Variants in CRTAC1 observed in about 807,000 individuals in gnomAD.
The protein encoded by CRTAC1 is acidic secreted protein in cartilage.
Under a neutral mutation model 67.8 loss-of-function variants are expected in CRTAC1, and 37 were observed. That is an observed-to-expected ratio of 0.55 (90% CI 0.42 to 0.72). CRTAC1 has a LOEUF of 0.72. Among genes scored for constraint, CRTAC1 ranks in the 30% least tolerant of loss-of-function variants. The pLI, the probability that CRTAC1 is intolerant of heterozygous loss-of-function variation, is 0.00. For missense variants in CRTAC1, 780 were observed against 931.6 expected, an observed-to-expected ratio of 0.84 and a Z score of 2.12; for synonymous variants, 348 against 371.0, an observed-to-expected ratio of 0.94 and a Z score of 0.71.
chr10:98,004,859 T>G (rs1387017802), intron 2 of CRTAC1, among the ~76,000 whole-genome samples: 1 of 151,226 alleles, frequency 6.6e-6, no homozygotes, highest in Non-Finnish European at 1.5e-5. Flanking sequence ...ATAAACTCTT[T>G]CTCCCTATGT....
intron 14 of CRTAC1, chr10:97,870,760 A>C (rs1270506082): frequency 1.3e-5 from 2 of 152,048 alleles, no homozygotes. Flanking sequence ...GTGTGTGAAA[A>C]TGTAATGTCT....
chr10:97,992,578 T>C (rs998651770), intron 2 of CRTAC1, among the ~76,000 whole-genome samples: 2 of 152,068 alleles, frequency 1.3e-5, no homozygotes, highest in Non-Finnish European at 1.5e-5. Flanking sequence ...ATAAAGAAAA[T>C]GTGATAACAC....
chr10:97,939,722 G>A (rs2051144227), intron 2 of CRTAC1, among the ~76,000 whole-genome samples: 1 of 152,088 alleles, frequency 6.6e-6, no homozygotes, highest in African/African-American at 2.4e-5. Flanking sequence ...CCCTGAGTGT[G>A]CTCTGCCCTT....
At chr10:98,007,023 G>A (rs1197696955) in intron 2 of CRTAC1, among the ~76,000 whole-genome samples, 1 of 152,210 alleles carries the variant, frequency 6.6e-6, no homozygotes, top group Non-Finnish European at 1.5e-5. Flanking sequence ...CACATAGGAT[G>A]AAAGGCAGGG....
rs77131464 is a variant in CRTAC1, at chr10:97,993,619, C to T, written c.224+17519G>A. On this transcript the variant is annotated intron_variant, in intron 2 of 14. Coordinates refer to ENST00000370597, the MANE Select transcript of CRTAC1 (RefSeq NM_018058.7). ...GAATTGATTGATGTTGCTCTCAAGG[C>T]GAAGGTCCTTAAATCAATCACTCTG... Among the ~76,000 whole-genome samples the T allele has an allele frequency of 9.9e-4, 151 of 152,226 alleles. 1 individual carries two copies. Among genetic ancestry groups the T allele is most frequent in the Admixed American group, 1.9e-3 (29 of 15,290 alleles).
intron 13 of CRTAC1, 67 bp downstream of exon 13, chr10:97,882,719 T>A: frequency 6.4e-7 from 1 of 1,558,212 alleles, no homozygotes; most frequent in Middle Eastern, 1.9e-4. Flanking sequence ...TTGGCATGAG[T>A]CAGGCGGGCA....
At chr10:97,994,806 G>C (rs139916450) in intron 2 of CRTAC1, among the ~76,000 whole-genome samples, 3 of 152,200 alleles carry the variant, frequency 2.0e-5, no homozygotes, top group Non-Finnish European at 4.4e-5. Flanking sequence ...CCTGTGATTG[G>C]AACAGTTCTC....
At chr10:97,966,141 T>C (rs2051612320) in intron 2 of CRTAC1, among the ~76,000 whole-genome samples, 1 of 152,228 alleles carries the variant, frequency 6.6e-6, no homozygotes, top group Admixed American at 6.5e-5. Flanking sequence ...TGCAGTGGCA[T>C]GATCTCAGCT....
intron 2 of CRTAC1, among the ~76,000 whole-genome samples, chr10:97,939,041 C>A (rs61875762): frequency 6.6e-6 from 1 of 152,114 alleles, no homozygotes; most frequent in Non-Finnish European, 1.5e-5. Flanking sequence ...AGCAGGTGCT[C>A]CCTGCCCCAG....
At position 97,908,162 on chromosome 10, in the gene CRTAC1, G is replaced by A. The variant is rs148204411; in HGVS notation, c.716-15C>T. The A allele has an allele frequency of 9.9e-6, 16 of 1,613,350 alleles. No homozygotes were observed. Among genetic ancestry groups the A allele is most frequent in the African/African-American group, 8.0e-5 (6 of 75,034 alleles). On this transcript the variant is annotated splice_polypyrimidine_tract_variant and intron_variant, in intron 5 of 14. Transcript: ENST00000370597. The stretch of plus-strand genomic sequence containing the variant: ...GCCTCGGCCCCCTAGAAAAGACATC[G>A]ACCCACAGTGAGTGGCAGAAGCAAG...
At chr10:97,956,255 C>A (rs991090260) in intron 2 of CRTAC1, among the ~76,000 whole-genome samples, 1 of 152,246 alleles carries the variant, frequency 6.6e-6, no homozygotes, top group African/African-American at 2.4e-5. Context: ...CTGCCAGGCA[C>A]AGGGCTAAGC....
intron 5 of CRTAC1, among the ~76,000 whole-genome samples, chr10:97,915,562 G>T (rs1458099020): frequency 2.0e-5 from 3 of 152,076 alleles, no homozygotes; most frequent in Non-Finnish European, 4.4e-5. Flanking sequence ...CGCGCCCAAA[G>T]CCTCAGCCAT....
intron 2 of CRTAC1, among the ~76,000 whole-genome samples, chr10:98,004,098 A>G (rs1290168943): frequency 6.6e-6 from 1 of 152,254 alleles, no homozygotes; most frequent in Non-Finnish European, 1.5e-5. Context: ...GGTATTTATT[A>G]GTATTCAAAA....
intron 2 of CRTAC1, among the ~76,000 whole-genome samples, chr10:97,964,859 G>A (rs1158867825): frequency 6.6e-6 from 1 of 152,170 alleles, no homozygotes; most frequent in East Asian, 1.9e-4. Flanking sequence ...CGCTTGTCAT[G>A]ATTTGTGGTA....
chr10:97,898,662 G>C (rs2050493687), intron 8 of CRTAC1, among the ~76,000 whole-genome samples: 1 of 152,166 alleles, frequency 6.6e-6, no homozygotes, highest in Non-Finnish European at 1.5e-5. Context: ...TGGGAAAGGG[G>C]TGTGGCCAGA....
chr10:97,923,633 TC>T (rs2050872831), intron 3 of CRTAC1, among the ~76,000 whole-genome samples: 1 of 152,142 alleles, frequency 6.6e-6, no homozygotes, highest in African/African-American at 2.4e-5. Context: ...GGCCCAGGCC[TC>T]AGGAACTAGG....
intron 12 of CRTAC1, among the ~76,000 whole-genome samples, chr10:97,883,560 C>T (rs553059138): frequency 6.6e-6 from 1 of 152,224 alleles, no homozygotes; most frequent in Non-Finnish European, 1.5e-5. Flanking sequence ...AAAGCCAGTG[C>T]ACTGACAAAG....
intron 8 of CRTAC1, among the ~76,000 whole-genome samples, chr10:97,898,966 G>A (rs2050497836): frequency 6.6e-6 from 1 of 152,134 alleles, no homozygotes; most frequent in Non-Finnish European, 1.5e-5. Flanking sequence ...TTTGGGTGCT[G>A]AGTTCCCTGG....
intron 2 of CRTAC1, among the ~76,000 whole-genome samples, chr10:97,958,557 G>A (rs1452340034): frequency 1.3e-5 from 2 of 152,028 alleles, no homozygotes; most frequent in Non-Finnish European, 2.9e-5. Context: ...CTACCAGAGT[G>A]GTTAATTTGT....
Sources: allele counts gnomAD v4.1 joint callset (sites outside exome capture counted in the v4.1 genomes callset), GRCh38; gene constraint gnomAD v4.1.1; transcripts MANE v1.5; gene names NCBI Gene and HGNC (gene_info 2026-07-23, HGNC 2026-07-21).